Variants in ARHGAP10 observed in about 807,000 individuals in gnomAD.
ARHGAP10 encodes Rho GTPase activating protein 10.
In ARHGAP10, 87 loss-of-function variants were observed where a neutral mutation model predicts 108.6. That is an observed-to-expected ratio of 0.80 (90% CI 0.67 to 0.96). The LOEUF is 0.96. Among genes scored for constraint, ARHGAP10 ranks in the 40% least tolerant of loss-of-function variants. The probability of loss-of-function intolerance (pLI) is 0.00; values close to 1 mark genes in which losing one functional copy is unlikely to be tolerated. For missense variants in ARHGAP10, 939 were observed against 954.5 expected, an observed-to-expected ratio of 0.98 and a Z score of 0.21; for synonymous variants, 347 against 341.1, an observed-to-expected ratio of 1.02 and a Z score of -0.19.
At chr4:147,950,112 A>G (rs1738538330) in intron 15 of ARHGAP10, among the ~76,000 whole-genome samples, 1 of 152,216 alleles carries the variant, frequency 6.6e-6, no homozygotes, top group African/African-American at 2.4e-5. Context: ...TTCACTTCTA[A>G]CAAAATACAC....
rs576644529 is a variant in ARHGAP10 at position 147,983,864 on chromosome 4, A to G, written c.1716+17025A>G. On this transcript the variant is annotated intron_variant, in intron 18 of 22. Coordinates refer to ENST00000336498, the MANE Select transcript of ARHGAP10 (RefSeq NM_024605.4). ...TGGGATCCTTTGAAGGTGACAAAAC[A>G]GTCTGGCTTTTTCTACTGCTGGAGT... Among the ~76,000 whole-genome samples the G allele has an allele frequency of 2.0e-5, 3 of 152,354 alleles. No homozygotes were observed. The East Asian group carries it at 5.8e-4, about 29-fold the overall frequency.
At chr4:147,895,886 T>C (rs1735976944) in intron 10 of ARHGAP10, among the ~76,000 whole-genome samples, 1 of 152,226 alleles carries the variant, frequency 6.6e-6, no homozygotes, top group Non-Finnish European at 1.5e-5. Context: ...AAATTGCTTG[T>C]AGATGCCCTT....
rs560186636 is a variant in ARHGAP10 at position 147,747,757 on chromosome 4, G to A, written c.154+15302G>A. ...GGATGCTCATTTATTTCAGCTGTCA[G>A]TGAGAGGAATCAGACTAAAACCTTG... On this transcript the variant is annotated intron_variant, in intron 1 of 22. Transcript: ENST00000336498. Among the ~76,000 whole-genome samples, 124 of 152,244 alleles carry A rather than the reference G, an allele frequency of 8.1e-4. 1 individual carries two copies. Among genetic ancestry groups the A allele is most frequent in the African/African-American group, 2.7e-3 (113 of 41,540 alleles).
intron 18 of ARHGAP10, among the ~76,000 whole-genome samples, chr4:147,999,632 C>A (rs372101541): frequency 6.6e-6 from 1 of 152,214 alleles, no homozygotes; most frequent in Non-Finnish European, 1.5e-5. Flanking sequence ...TCACTGGGTT[C>A]CACGGTTCTC....
At position 147,966,856 on chromosome 4, in the gene ARHGAP10, CTTT is replaced by C; in HGVS notation, c.1716+18_1716+20del. On this transcript the variant is annotated intron_variant, in intron 18 of 22. Coordinates refer to ENST00000336498, the MANE Select transcript of ARHGAP10 (RefSeq NM_024605.4). ...CATGAAAAGGTAAAATTTTTTTTTT[CTTT>C]AAGAGACTTTGTTTTCGGCTTGTCG... 1 of 1,536,020 alleles carries C rather than the reference CTTT, an allele frequency of 6.5e-7. No homozygotes were observed. The highest frequency in any genetic ancestry group is 8.8e-7 in the Non-Finnish European group (1 of 1,130,314).
At chr4:147,751,411 C>T (rs1288455020) in intron 1 of ARHGAP10, among the ~76,000 whole-genome samples, 1 of 151,398 alleles carries the variant, frequency 6.6e-6, no homozygotes, top group African/African-American at 2.4e-5. Flanking sequence ...CCACCCAGGC[C>T]AGGGTGCAGT....
chr4:147,788,308 G>A lies in ARHGAP10; in HGVS notation c.155-34419G>A, dbSNP rs553735181. Among the ~76,000 whole-genome samples, 39 of 152,210 alleles carry A rather than the reference G, an allele frequency of 2.6e-4. No individual in the cohort carries two copies. The South Asian group carries it at 8.1e-3, about 32-fold the overall frequency. On this transcript the variant is annotated intron_variant, in intron 1 of 22. Coordinates refer to ENST00000336498, the MANE Select transcript of ARHGAP10 (RefSeq NM_024605.4). ...AAAAATAAAAAAAAATTAGCCAGGT[G>A]TGGTGGCATGCGCCTGTAATCTCAG...
intron 14 of ARHGAP10, among the ~76,000 whole-genome samples, chr4:147,945,250 T>C (rs943625055): frequency 4.6e-5 from 7 of 152,176 alleles, no homozygotes; most frequent in Non-Finnish European, 1.0e-4. Context: ...CTACCAGAAT[T>C]GACACTTTCC....
intron 1 of ARHGAP10, among the ~76,000 whole-genome samples, chr4:147,757,831 C>T (rs1396644224): frequency 6.6e-6 from 1 of 152,164 alleles, no homozygotes; most frequent in Non-Finnish European, 1.5e-5. Flanking sequence ...ATTGGCCAAC[C>T]TGTCTGTTCC....
intron 1 of ARHGAP10, among the ~76,000 whole-genome samples, chr4:147,774,759 T>TA (rs1217680605): frequency 6.6e-6 from 1 of 152,206 alleles, no homozygotes; most frequent in East Asian, 1.9e-4. Context: ...TAAGCAAGAT[T>TA]ACCTCTTGGG....
At chr4:148,056,486 A>T (rs764686327) in intron 20 of ARHGAP10, among the ~76,000 whole-genome samples, 28 of 152,176 alleles carry the variant, frequency 1.8e-4, no homozygotes, top group Non-Finnish European at 3.5e-4. Context: ...AGTTTAAGGT[A>T]TGCAGAAAAG....
chr4:147,755,872 GTAT>G (rs1404040114), intron 1 of ARHGAP10, among the ~76,000 whole-genome samples: 1 of 152,002 alleles, frequency 6.6e-6, no homozygotes, highest in Non-Finnish European at 1.5e-5. Context: ...TCCTTGTTTT[GTAT>G]TATTTCACAT....
intron 20 of ARHGAP10, among the ~76,000 whole-genome samples, chr4:148,053,707 C>G (rs1729241828): frequency 6.6e-6 from 1 of 152,112 alleles, no homozygotes; most frequent in African/African-American, 2.4e-5. Flanking sequence ...CTGTGTGTTT[C>G]CTTGAATTTC....
At chr4:148,010,319 A>G (rs1369778516) in intron 18 of ARHGAP10, among the ~76,000 whole-genome samples, 1 of 152,228 alleles carries the variant, frequency 6.6e-6, no homozygotes, top group Non-Finnish European at 1.5e-5. Flanking sequence ...GCATTTAAAT[A>G]GCAATGAACA....
intron 1 of ARHGAP10, among the ~76,000 whole-genome samples, chr4:147,810,072 A>G (rs1731958610): frequency 6.6e-6 from 1 of 152,220 alleles, no homozygotes; most frequent in African/African-American, 2.4e-5. Flanking sequence ...TCAATTTCTT[A>G]TAGCAGCTTA....
chr4:147,879,659 A>T (rs1049677675), intron 9 of ARHGAP10, among the ~76,000 whole-genome samples: 1 of 152,008 alleles, frequency 6.6e-6, no homozygotes, highest in African/African-American at 2.4e-5. Context: ...CCCATCATCT[A>T]CATTAGATAT....
At chr4:147,946,460 C>T in intron 14 of ARHGAP10, 157 bp from the exon 15 acceptor site, 1 of 579,732 alleles carries the variant, frequency 1.7e-6, no homozygotes, top group Non-Finnish European at 2.9e-6. Context: ...TAGAACATAG[C>T]TTATAGTATT....
intron 19 of ARHGAP10, among the ~76,000 whole-genome samples, chr4:148,032,983 C>A (rs1466077269): frequency 6.6e-6 from 1 of 152,184 alleles, no homozygotes; most frequent in African/African-American, 2.4e-5. Context: ...TTTGGCAACA[C>A]CCTCACCGAC....
At chr4:147,777,422 C>T (rs1444064680) in intron 1 of ARHGAP10, among the ~76,000 whole-genome samples, 1 of 152,004 alleles carries the variant, frequency 6.6e-6, no homozygotes, top group Non-Finnish European at 1.5e-5. Context: ...CCATGCCTGG[C>T]TAATTTTTTT....
Sources: allele counts gnomAD v4.1 joint callset (sites outside exome capture counted in the v4.1 genomes callset), GRCh38; gene constraint gnomAD v4.1.1; transcripts MANE v1.5; gene names NCBI Gene and HGNC (gene_info 2026-07-23, HGNC 2026-07-21).